The following RBM20 variants were observed in gnomAD, a reference collection of about 807,000 sequenced individuals.
RBM20 encodes the protein RNA binding motif protein 20.
RBM20 carries 51 observed loss-of-function variants against 110.1 expected under a neutral mutation model. That is an observed-to-expected ratio of 0.46 (90% CI 0.37 to 0.59). The LOEUF (loss-of-function observed/expected upper bound fraction) is 0.59. Ranked by LOEUF, RBM20 falls within the 20% of genes least tolerant of loss-of-function variation. The probability of loss-of-function intolerance (pLI) is 0.00; values close to 1 mark genes in which losing one functional copy is unlikely to be tolerated. For missense variants in RBM20, 1,512 were observed against 1,574.9 expected, an observed-to-expected ratio of 0.96 and a Z score of 0.68; for synonymous variants, 589 against 618.2, an observed-to-expected ratio of 0.95 and a Z score of 0.70.
chr10:110,710,262 T>C (rs949530328), intron 1 of RBM20, among the ~76,000 whole-genome samples: 2 of 152,222 alleles, frequency 1.3e-5, no homozygotes, highest in Non-Finnish European at 2.9e-5. Context: ...CTGGTGGTCA[T>C]GCTGAACTGG....
chr10:110,812,691 A>G lies in RBM20; in HGVS notation c.2294A>G (p.Lys765Arg), dbSNP rs1395161859. The change falls in exon 9 of 14, where the codon AAA becomes AGA. Residue 765 changes from lysine (K) to arginine (R), a missense_variant. Transcript: ENST00000369519. ...REDGYYRKEP[K>R]AKSDKYLKQQ... ...GACGGCTACTACCGGAAAGAGCCCA[A>G]AGCCAAGTCGGACAAGTATCTGAAG... The G allele has an allele frequency of 1.3e-6, 2 of 1,551,726 alleles. No individual in the cohort carries two copies. Among genetic ancestry groups the G allele is most frequent in the Non-Finnish European group, 1.7e-6 (2 of 1,146,994 alleles).
At chr10:110,718,703 C>T (rs563845359) in intron 1 of RBM20, among the ~76,000 whole-genome samples, 4 of 149,912 alleles carry the variant, frequency 2.7e-5, no homozygotes, top group East Asian at 1.9e-4. Context: ...CATCCGCCTC[C>T]GAGGTTCAAG....
intron 5 of RBM20, among the ~76,000 whole-genome samples, chr10:110,786,085 CTT>C (rs1304911245): frequency 7.2e-5 from 11 of 152,238 alleles, no homozygotes; most frequent in African/African-American, 2.4e-4. Flanking sequence ...GACAGCTCCT[CTT>C]CTCTCTGGGG....
chr10:110,827,159 T>A (rs1163653124), intron 12 of RBM20, among the ~76,000 whole-genome samples: 4 of 152,088 alleles, frequency 2.6e-5, no homozygotes, highest in Admixed American at 2.6e-4. Context: ...AAACGCAGGT[T>A]AGAACTCAGG....
At chr10:110,712,184 G>A (rs1204345097) in intron 1 of RBM20, among the ~76,000 whole-genome samples, 1 of 152,172 alleles carries the variant, frequency 6.6e-6, no homozygotes, top group Non-Finnish European at 1.5e-5. Flanking sequence ...ACCAAACAAG[G>A]TGCTCAGTTA....
At chr10:110,797,677 A>G (rs2135074092) in intron 6 of RBM20, 29 bp downstream of exon 6, 1 of 1,547,930 alleles carries the variant, frequency 6.5e-7, no homozygotes, top group Non-Finnish European at 8.7e-7. Flanking sequence ...ACTCCAGTGT[A>G]TATGCCACAG....
rs117417102 is a variant in RBM20 at position 110,698,733 on chromosome 10, C to T, written c.191+54088C>T. On this transcript the variant is annotated intron_variant, in intron 1 of 13. Transcript: ENST00000369519. Reference sequence around the variant, plus strand: ...CCTCTCTGTCCCACTTTTAGTTCCTCAGTGATACAGATTGCTAAAGGCAAC... The same window carrying T: ...CCTCTCTGTCCCACTTTTAGTTCCTTAGTGATACAGATTGCTAAAGGCAAC... Among the ~76,000 whole-genome samples the T allele has an allele frequency of 8.8e-3, 1,346 of 152,318 alleles. 57 individuals are homozygous for T. The highest frequency in any genetic ancestry group is 0.072 in the Admixed American group (1,096 of 15,302).
chr10:110,809,122 G>T (rs1208339156), intron 7 of RBM20, among the ~76,000 whole-genome samples: 1 of 150,826 alleles, frequency 6.6e-6, no homozygotes, highest in Non-Finnish European at 1.5e-5. Flanking sequence ...AGGCTGAAGT[G>T]GGAGAATCAC....
At chr10:110,768,867 C>A (rs773943211) in intron 1 of RBM20, among the ~76,000 whole-genome samples, 2 of 152,160 alleles carry the variant, frequency 1.3e-5, no homozygotes, top group Non-Finnish European at 2.9e-5. Context: ...TGAAAAGGTG[C>A]CAATAGAGCT....
chr10:110,800,741 C>T (rs1182469356), intron 7 of RBM20, among the ~76,000 whole-genome samples: 2 of 152,170 alleles, frequency 1.3e-5, no homozygotes, highest in African/African-American at 2.4e-5. Context: ...CCTCCCTAAA[C>T]ATTATGGTTT....
At chr10:110,820,034 A>G (rs1377226569) in intron 9 of RBM20, 38 bp from the exon 10 acceptor site, 1 of 1,331,938 alleles carries the variant, frequency 7.5e-7, no homozygotes, top group African/African-American at 1.5e-5. Context: ...GTCACTGCTC[A>G]CTGTTGATTT....
intron 11 of RBM20, 28 bp from the exon 12 acceptor site, chr10:110,823,431 CTTTTTTTTTTTTTTTTTTTTT>C: frequency 7.7e-7 from 1 of 1,297,382 alleles, no homozygotes; most frequent in Non-Finnish European, 1.0e-6. Context: ...TGTTGTATTT[CTTTTTTTTTTTTTTTTTTTTT>C]TTTTTTGCCT....
chr10:110,687,598 C>A (rs184526722), intron 1 of RBM20, among the ~76,000 whole-genome samples: 1 of 152,262 alleles, frequency 6.6e-6, no homozygotes, highest in Non-Finnish European at 1.5e-5. Flanking sequence ...TATTATAGAA[C>A]AAATGTTTGA....
chr10:110,724,725 C>A (rs1460005994), intron 1 of RBM20, among the ~76,000 whole-genome samples: 4 of 151,874 alleles, frequency 2.6e-5, no homozygotes, highest in Non-Finnish European at 5.9e-5. Flanking sequence ...TTCACTTCAT[C>A]TGGGGATGAA....
intron 1 of RBM20, among the ~76,000 whole-genome samples, chr10:110,658,579 C>T (rs11814783): frequency 2.1e-4 from 32 of 152,270 alleles, no homozygotes; most frequent in African/African-American, 7.7e-4. Context: ...CCACTGCCGT[C>T]CCCTTAGTTC....
chr10:110,666,017 GGGGA>G (rs1564809600), intron 1 of RBM20, among the ~76,000 whole-genome samples: 6 of 148,530 alleles, frequency 4.0e-5, no homozygotes, highest in African/African-American at 1.5e-4. Context: ...GAGAGAGAGA[GGGGA>G]AGGAAGGAAG....
At chr10:110,682,100 A>T (rs2419579) in intron 1 of RBM20, among the ~76,000 whole-genome samples, 15 of 152,078 alleles carry the variant, frequency 9.9e-5, no homozygotes, top group Admixed American at 9.8e-4. Context: ...CCATGCTGGC[A>T]AGGCTGATCT....
At chr10:110,816,284 C>T (rs1844838140) in intron 9 of RBM20, among the ~76,000 whole-genome samples, 1 of 151,554 alleles carries the variant, frequency 6.6e-6, no homozygotes, top group South Asian at 2.1e-4. Flanking sequence ...CACTGCAAAC[C>T]ATCTCAACAC....
chr10:110,821,934 G>A lies in RBM20; in HGVS notation c.3315G>A (p.Pro1105=), dbSNP rs772179438. ...AAGCTTGCCAAGAAGTGTTGACCCC[G>A]GGTAACTATCTCCCCTTTCCTCACG... The part of the protein sequence containing the change: ...QNQACQEVLT[P]ENSRYVEMKS... The change falls in exon 11 of 14, where the codon CCG becomes CCA. Residue 1105 remains proline (P), a splice_region_variant and synonymous_variant. Coordinates refer to ENST00000369519, the MANE Select transcript of RBM20 (RefSeq NM_001134363.3). 12 of 1,551,518 alleles carry A rather than the reference G, an allele frequency of 7.7e-6. No individual in the cohort carries two copies. The highest frequency in any genetic ancestry group is 4.8e-5 in the South Asian group (4 of 84,062).
Sources: gnomAD v4.1 joint callset for allele counts (sites outside exome capture counted in the v4.1 genomes callset) on GRCh38, gnomAD v4.1.1 for gene constraint, MANE v1.5 for transcripts, NCBI Gene and HGNC (gene_info 2026-07-23, HGNC 2026-07-21) for gene names.